Variants in ASAP1 observed in about 807,000 individuals in gnomAD.
The protein encoded by ASAP1 is ArfGAP with SH3 domain, ankyrin repeat and PH domain 1, also known as arf-GAP with SH3 domain, ANK repeat and PH domain-containing protein 1.
A neutral mutation model predicts 145.2 loss-of-function variants in ASAP1; 43 were observed. The observed-to-expected ratio is 0.30, with a 90% CI of 0.23 to 0.38. The LOEUF is 0.38. ASAP1 is among the 10% of genes least tolerant of loss of function. The pLI is 1.00. For missense variants in ASAP1, 1,018 were observed against 1,355.3 expected (o/e 0.75, Z 3.91); for synonymous variants, 546 against 515.5 (o/e 1.06, Z -0.80).
chr8:130,107,515 A>AATGTATGTATGTATGT (rs71302393), intron 24 of ASAP1, among the ~76,000 whole-genome samples: 1 of 101,708 alleles, frequency 9.8e-6, no homozygotes, highest in Admixed American at 1.0e-4. Context: ...TTTTTTAAAA[A>AATGTATGTATGTATGT]ATGTATGTAT....
chr8:130,065,636 A>G (rs1438121606), intron 27 of ASAP1, among the ~76,000 whole-genome samples: 2 of 152,192 alleles, frequency 1.3e-5, no homozygotes, highest in East Asian at 3.8e-4. Flanking sequence ...ACAGCTCCAT[A>G]GGCCATTCCT....
At chr8:130,068,688 A>G (rs1592726629) in intron 27 of ASAP1, among the ~76,000 whole-genome samples, 1 of 152,226 alleles carries the variant, frequency 6.6e-6, no homozygotes, top group East Asian at 1.9e-4. Flanking sequence ...GGAACAGATA[A>G]AAGCCACTGT....
chr8:130,236,899 C>G (rs775399000), intron 4 of ASAP1, 23 bp downstream of exon 4: 1 of 1,476,436 alleles, frequency 6.8e-7, no homozygotes, highest in South Asian at 1.3e-5. Flanking sequence ...ATTCATGTTA[C>G]CTCATTTTTA....
intron 3 of ASAP1, among the ~76,000 whole-genome samples, chr8:130,250,605 G>T (rs1819132643): frequency 1.3e-5 from 2 of 152,236 alleles, no homozygotes; most frequent in South Asian, 4.2e-4. Context: ...GCCAACCACA[G>T]ATCTGGTCAT....
At chr8:130,382,826 G>A (rs538555082) in intron 2 of ASAP1, among the ~76,000 whole-genome samples, 7 of 147,040 alleles carry the variant, frequency 4.8e-5, no homozygotes, top group South Asian at 4.4e-4. Context: ...CAACCTGGGC[G>A]ACAGAGCAAG....
intron 3 of ASAP1, among the ~76,000 whole-genome samples, chr8:130,280,419 T>C (rs989348835): frequency 1.3e-5 from 2 of 152,260 alleles, no homozygotes; most frequent in Non-Finnish European, 2.9e-5. Context: ...ATGGAATCTT[T>C]TGACAACTAG....
At chr8:130,237,613 T>C (rs1467209942) in intron 3 of ASAP1, among the ~76,000 whole-genome samples, 1 of 152,112 alleles carries the variant, frequency 6.6e-6, no homozygotes, top group Non-Finnish European at 1.5e-5. Context: ...AAATGATTTC[T>C]TGGATGATGA....
intron 3 of ASAP1, among the ~76,000 whole-genome samples, chr8:130,298,191 A>C (rs575427202): frequency 1.3e-5 from 2 of 152,356 alleles, no homozygotes; most frequent in Admixed American, 6.5e-5. Context: ...ACTTTAGCCC[A>C]GTGTCTGGGA....
intron 3 of ASAP1, among the ~76,000 whole-genome samples, chr8:130,305,381 C>G (rs1015505190): frequency 1.3e-5 from 2 of 152,210 alleles, no homozygotes; most frequent in African/African-American, 4.8e-5. Context: ...GACTCTTGCT[C>G]TGTTGCCCAG....
chr8:130,086,455 A>T (rs2097493357), intron 25 of ASAP1, among the ~76,000 whole-genome samples: 2 of 152,198 alleles, frequency 1.3e-5, no homozygotes, highest in Non-Finnish European at 1.5e-5. Flanking sequence ...TTATCCGAAG[A>T]TTCTAAAATA....
At chr8:130,113,556 A>T (rs1232169824) in intron 23 of ASAP1, among the ~76,000 whole-genome samples, 2 of 152,190 alleles carry the variant, frequency 1.3e-5, no homozygotes, top group African/African-American at 2.4e-5. Flanking sequence ...CATTCCTTAC[A>T]TCCTGCCTGT....
At chr8:130,198,589 G>A (rs1265520070) in intron 5 of ASAP1, among the ~76,000 whole-genome samples, 1 of 152,150 alleles carries the variant, frequency 6.6e-6, no homozygotes, top group Non-Finnish European at 1.5e-5. Flanking sequence ...AAATGACAGA[G>A]GGTACTGTAT....
At chr8:130,349,604 G>A (rs967887979) in intron 3 of ASAP1, among the ~76,000 whole-genome samples, 1 of 152,174 alleles carries the variant, frequency 6.6e-6, no homozygotes, top group Admixed American at 6.5e-5. Context: ...CTTGGCAAGA[G>A]AATTTCACCC....
At chr8:130,203,003 T>G (rs188896058) in intron 5 of ASAP1, among the ~76,000 whole-genome samples, 1 of 151,988 alleles carries the variant, frequency 6.6e-6, no homozygotes, top group African/African-American at 2.4e-5. Flanking sequence ...AAAGGGGAAG[T>G]GGCAACCAGC....
At chr8:130,255,042 G>A (rs1819424509) in intron 3 of ASAP1, among the ~76,000 whole-genome samples, 2 of 152,050 alleles carry the variant, frequency 1.3e-5, no homozygotes, top group African/African-American at 4.8e-5. Context: ...TTCCACATAA[G>A]TAATAAATGT....
At chr8:130,301,513 T>C (rs1385787145) in intron 3 of ASAP1, among the ~76,000 whole-genome samples, 3 of 152,238 alleles carry the variant, frequency 2.0e-5, no homozygotes, top group Non-Finnish European at 2.9e-5. Flanking sequence ...AGTGGTTGAA[T>C]GAATGAAAAA....
intron 3 of ASAP1, among the ~76,000 whole-genome samples, chr8:130,356,535 CAAAAAAA>C (rs754343028): frequency 1.9e-4 from 28 of 149,028 alleles, no homozygotes; most frequent in Middle Eastern, 3.4e-3. Context: ...TTCACAAAGA[CAAAAAAA>C]AAGAAAAAAG....
At chr8:130,160,072 T>C (rs2097665942) in intron 11 of ASAP1, 108 bp from the exon 12 acceptor site, 4 of 937,138 alleles carry the variant, frequency 4.3e-6, no homozygotes, top group South Asian at 2.7e-5. Flanking sequence ...AAGGGAATTA[T>C]GGAACTTTAA....
At chr8:130,091,021 C>T (rs1484522505) in intron 25 of ASAP1, among the ~76,000 whole-genome samples, 1 of 152,170 alleles carries the variant, frequency 6.6e-6, no homozygotes, top group Non-Finnish European at 1.5e-5. Context: ...ATGGGGTGAC[C>T]CCTAAGTCGC....
Sources: allele counts gnomAD v4.1 joint callset (sites outside exome capture counted in the v4.1 genomes callset), GRCh38; gene constraint gnomAD v4.1.1; transcripts MANE v1.5; gene names NCBI Gene and HGNC (gene_info 2026-07-23, HGNC 2026-07-21).